PLXDC2: variants seen among roughly 807,000 people sequenced by gnomAD.
PLXDC2 encodes plexin domain-containing protein 2.
A neutral mutation model predicts 68.9 loss-of-function variants in PLXDC2; 40 were observed. The observed-to-expected ratio is 0.58, with a 90% confidence interval of 0.45 to 0.76. PLXDC2 has a LOEUF of 0.76. PLXDC2 is among the 30% of genes least tolerant of loss of function. The pLI, the probability that PLXDC2 is intolerant of heterozygous loss-of-function variation, is 0.00. For missense variants in PLXDC2, 644 were observed against 661.9 expected (o/e 0.97, Z 0.30); for synonymous variants, 243 against 234.2 (o/e 1.04, Z -0.34).
intron 1 of PLXDC2, among the ~76,000 whole-genome samples, chr10:19,894,331 T>A (rs923489918): frequency 6.6e-6 from 1 of 152,048 alleles, no homozygotes; most frequent in African/African-American, 2.4e-5. Flanking sequence ...TCCCAAACTT[T>A]TCTATGACAT....
chr10:19,858,138 G>A (rs1285055111), intron 1 of PLXDC2, among the ~76,000 whole-genome samples: 3 of 152,154 alleles, frequency 2.0e-5, no homozygotes, highest in Non-Finnish European at 2.9e-5. Flanking sequence ...CAGAAGATAT[G>A]AATAGCAAGA....
intron 9 of PLXDC2, among the ~76,000 whole-genome samples, chr10:20,186,746 T>G (rs1391274715): frequency 6.6e-6 from 1 of 151,602 alleles, no homozygotes; most frequent in Non-Finnish European, 1.5e-5. Context: ...GACATGATCT[T>G]CTTCTTTTTT....
chr10:20,033,816 A>G lies in PLXDC2; in HGVS notation c.325-13053A>G, dbSNP rs535287667. ...GATACAGCCAAACCATATCATGCAT[A>G]TATTTGTAGGTTGTTTTAAAAAATT... is the stretch of plus-strand genomic sequence containing the variant. On this transcript the variant is annotated intron_variant, in intron 2 of 13. Coordinates refer to ENST00000377252, the MANE Select transcript of PLXDC2 (RefSeq NM_032812.9). Among the ~76,000 whole-genome samples the G allele has an allele frequency of 2.0e-5, 3 of 152,268 alleles. No individual in the cohort carries two copies. In the South Asian group the frequency reaches 6.2e-4, roughly 32 times the overall value.
intron 1 of PLXDC2, among the ~76,000 whole-genome samples, chr10:19,933,453 G>A (rs1833673215): frequency 6.6e-6 from 1 of 152,020 alleles, no homozygotes; most frequent in Non-Finnish European, 1.5e-5. Context: ...GGCCAAGATG[G>A]TGAAACCCCA....
chr10:19,978,817 A>T (rs1406071762), intron 1 of PLXDC2, among the ~76,000 whole-genome samples: 1 of 152,236 alleles, frequency 6.6e-6, no homozygotes, highest in Non-Finnish European at 1.5e-5. Flanking sequence ...ATGAGAGGCA[A>T]ATAACTCATT....
At chr10:19,916,040 T>A (rs1833359669) in intron 1 of PLXDC2, among the ~76,000 whole-genome samples, 1 of 151,946 alleles carries the variant, frequency 6.6e-6, no homozygotes, top group African/African-American at 2.4e-5. Context: ...AAAGTACATC[T>A]GACTTGGAAA....
At chr10:20,206,488 G>T (rs1022627568) in intron 9 of PLXDC2, among the ~76,000 whole-genome samples, 1 of 152,012 alleles carries the variant, frequency 6.6e-6, no homozygotes, top group African/African-American at 2.4e-5. Flanking sequence ...GTAATAGTGT[G>T]TTCAAAGGTA....
At chr10:20,259,851 T>A (rs918789849) in intron 13 of PLXDC2, among the ~76,000 whole-genome samples, 2 of 152,140 alleles carry the variant, frequency 1.3e-5, no homozygotes. Context: ...CAAGGCCATC[T>A]TCCATGACAG....
chr10:19,973,083 TA>T (rs778129436), intron 1 of PLXDC2, among the ~76,000 whole-genome samples: 3 of 152,104 alleles, frequency 2.0e-5, no homozygotes, highest in East Asian at 3.9e-4. Context: ...TAATGAGATT[TA>T]AAAAGAGTTT....
intron 2 of PLXDC2, among the ~76,000 whole-genome samples, chr10:20,011,620 T>C (rs1435436676): frequency 6.6e-6 from 1 of 152,202 alleles, no homozygotes; most frequent in African/African-American, 2.4e-5. Flanking sequence ...GGCAATCCCA[T>C]TCCATATCAA....
intron 2 of PLXDC2, among the ~76,000 whole-genome samples, chr10:20,028,145 G>T (rs966947537): frequency 6.6e-6 from 1 of 152,188 alleles, no homozygotes; most frequent in Non-Finnish European, 1.5e-5. Flanking sequence ...CAGCTAATTG[G>T]TGTTACTTGC....
intron 1 of PLXDC2, among the ~76,000 whole-genome samples, chr10:19,818,634 G>A (rs572879904): frequency 1.3e-5 from 2 of 152,210 alleles, no homozygotes; most frequent in Admixed American, 1.3e-4. Flanking sequence ...ACATTTAATT[G>A]TTCTGCATTA....
intron 13 of PLXDC2, among the ~76,000 whole-genome samples, chr10:20,256,167 C>T (rs1835739730): frequency 1.3e-5 from 2 of 151,480 alleles, no homozygotes; most frequent in East Asian, 3.9e-4. Context: ...GAATCTTGCT[C>T]TGTTGCCGAG....
intron 1 of PLXDC2, among the ~76,000 whole-genome samples, chr10:19,928,496 A>C (rs1359691615): frequency 5.9e-5 from 9 of 152,226 alleles, no homozygotes; most frequent in Non-Finnish European, 2.9e-5. Context: ...TGTTTATTGC[A>C]AAATTTGGAA....
At chr10:19,989,991 G>C (rs540790929) in intron 1 of PLXDC2, among the ~76,000 whole-genome samples, 1 of 151,774 alleles carries the variant, frequency 6.6e-6, no homozygotes, top group African/African-American at 2.4e-5. Context: ...CTCCTGATCC[G>C]CCCGACTCAG....
chr10:19,939,809 T>C lies in PLXDC2; in HGVS notation c.113-61966T>C, dbSNP rs1241033069. On this transcript the variant is annotated intron_variant, in intron 1 of 13. Transcript: ENST00000377252. ...TTTGTAGGGTTCTACTCCAGACTTTTGTTGGATGACATGTGACAAATATGG... is the reference window on the plus strand; with the variant it reads ...TTTGTAGGGTTCTACTCCAGACTTTCGTTGGATGACATGTGACAAATATGG... 9.2e-5 allele frequency among the ~76,000 whole-genome samples: 14 copies of C among 152,172 alleles called. No individual in the cohort carries two copies. The East Asian group carries it at 1.3e-3, about 15-fold the overall frequency.
chr10:20,143,458 T>C, intron 5 of PLXDC2, 41 bp downstream of exon 5: 3 of 1,607,588 alleles, frequency 1.9e-6, no homozygotes, highest in Middle Eastern at 1.7e-4. Flanking sequence ...ATGTATATTT[T>C]TAAACCTCAA....
Position 20,056,080 on chromosome 10 carries a change from C to T in PLXDC2, c.471+9065C>T, listed in dbSNP as rs186745693. Among the ~76,000 whole-genome samples the T allele has an allele frequency of 2.1e-3, 322 of 152,224 alleles. 5 individuals carry two copies. The East Asian group carries it at 0.023, about 11-fold the overall frequency. ...GAGACCTTGGGCAAATCCCTAAATT[C>T]CCTGTCAATTTCATCCTGTACTATG... is the stretch of plus-strand genomic sequence containing the variant. On this transcript the variant is annotated intron_variant, in intron 3 of 13. Coordinates refer to ENST00000377252, the MANE Select transcript of PLXDC2 (RefSeq NM_032812.9).
intron 9 of PLXDC2, 40 bp from the exon 10 acceptor site, chr10:20,211,629 A>G: frequency 1.9e-6 from 3 of 1,600,494 alleles, no homozygotes; most frequent in South Asian, 2.2e-5. Flanking sequence ...CCTGCACCCT[A>G]TCCTTCCTTT....
Sources: gnomAD v4.1 joint callset for allele counts (sites outside exome capture counted in the v4.1 genomes callset) on GRCh38, gnomAD v4.1.1 for gene constraint, MANE v1.5 for transcripts, NCBI Gene and HGNC (gene_info 2026-07-23, HGNC 2026-07-21) for gene names.